Variants in RORA observed in about 807,000 individuals in gnomAD.
RORA encodes nuclear receptor ROR-alpha.
A neutral mutation model predicts 69.5 loss-of-function variants in RORA; 7 were observed. The observed-to-expected ratio is 0.10, with a 90% CI of 0.06 to 0.19. The LOEUF is 0.19. Among genes scored for constraint, RORA ranks in the 10% least tolerant of loss-of-function variants. The probability of loss-of-function intolerance (pLI) is 1.00; values close to 1 mark genes in which losing one functional copy is unlikely to be tolerated. For missense variants in RORA, 457 were observed against 663.0 expected, an observed-to-expected ratio of 0.69 and a Z score of 3.41; for synonymous variants, 261 against 240.8, an observed-to-expected ratio of 1.08 and a Z score of -0.78.
intron 5 of RORA, among the ~76,000 whole-genome samples, chr15:60,507,970 G>A (rs2065567109): frequency 6.6e-6 from 1 of 152,202 alleles, no homozygotes; most frequent in South Asian, 2.1e-4. Flanking sequence ...ATCATGCAGT[G>A]TACCTGACAT....
chr15:60,849,519 T>C (rs1342015972), intron 1 of RORA, among the ~76,000 whole-genome samples: 1 of 152,160 alleles, frequency 6.6e-6, no homozygotes, highest in Non-Finnish European at 1.5e-5. Flanking sequence ...CCTCCTACAG[T>C]CTCCACTGAG....
chr15:61,177,863 G>A (rs1348388788), intron 1 of RORA, among the ~76,000 whole-genome samples: 1 of 151,812 alleles, frequency 6.6e-6, no homozygotes. Flanking sequence ...TCGGGAGGCT[G>A]AGCCAGGAGA....
chr15:61,181,432 A>C (rs2079684626), intron 1 of RORA: 1 of 152,232 alleles, frequency 6.6e-6, no homozygotes, highest in East Asian at 1.9e-4. Flanking sequence ...AATTAAACCA[A>C]GGTAAAAACT....
chr15:61,172,807 G>A (rs1405328355), intron 1 of RORA, among the ~76,000 whole-genome samples: 2 of 152,014 alleles, frequency 1.3e-5, no homozygotes, highest in Non-Finnish European at 2.9e-5. Flanking sequence ...AAGTCTAAGG[G>A]TCCCCTAAGG....
chr15:60,746,981 A>T (rs1364126144), intron 1 of RORA, among the ~76,000 whole-genome samples: 1 of 152,200 alleles, frequency 6.6e-6, no homozygotes, highest in Non-Finnish European at 1.5e-5. Flanking sequence ...AGTTAGTGTC[A>T]GCCTCAGGCT....
chr15:61,194,383 C>T (rs1339002184), intron 1 of RORA, among the ~76,000 whole-genome samples: 2 of 151,948 alleles, frequency 1.3e-5, no homozygotes, highest in Non-Finnish European at 2.9e-5. Context: ...CTTGTTGAAA[C>T]CCTGTCTCTA....
At chr15:60,749,482 G>A (rs2071693172) in intron 1 of RORA, among the ~76,000 whole-genome samples, 1 of 152,172 alleles carries the variant, frequency 6.6e-6, no homozygotes. Flanking sequence ...TATTTTAGGA[G>A]ATTAATTTAC....
At chr15:60,885,243 T>C (rs1004266805) in intron 1 of RORA, among the ~76,000 whole-genome samples, 2 of 152,212 alleles carry the variant, frequency 1.3e-5, no homozygotes, top group Admixed American at 1.3e-4. Flanking sequence ...TGTTCTCTTG[T>C]AGCCCTGATC....
chr15:60,689,279 A>G (rs1011303827), intron 1 of RORA, among the ~76,000 whole-genome samples: 1 of 152,240 alleles, frequency 6.6e-6, no homozygotes, highest in Non-Finnish European at 1.5e-5. Context: ...ATGGCAATGC[A>G]TCTTACAGGA....
chr15:61,197,043 C>A (rs986215851), intron 1 of RORA, among the ~76,000 whole-genome samples: 4 of 152,172 alleles, frequency 2.6e-5, no homozygotes, highest in Non-Finnish European at 2.9e-5. Flanking sequence ...GCCCCAGGGA[C>A]CACAGGGGAA....
chr15:60,874,952 T>C (rs2140439712), intron 1 of RORA, among the ~76,000 whole-genome samples: 1 of 152,318 alleles, frequency 6.6e-6, no homozygotes, highest in Admixed American at 6.5e-5. Context: ...TAAACATTTA[T>C]CAGGGCATAT....
Position 61,017,744 on chromosome 15 carries a change from T to C in RORA, c.166+211309A>G, listed in dbSNP as rs188609721. Among the ~76,000 whole-genome samples, 47 of 152,268 alleles carry C rather than the reference T, an allele frequency of 3.1e-4. No homozygotes were observed. In the East Asian group the frequency reaches 8.7e-3, roughly 28 times the overall value. On this transcript the variant is annotated intron_variant, in intron 1 of 10. Coordinates refer to ENST00000335670, the MANE Select transcript of RORA (RefSeq NM_134261.3). ...AACAAAGCTGTCTTGTGCTTTCCAT[T>C]TTCATATGAAAAATGATGACGTGCC...
intron 1 of RORA, among the ~76,000 whole-genome samples, chr15:60,816,598 A>C (rs901073844): frequency 6.8e-6 from 1 of 147,384 alleles, no homozygotes; most frequent in Non-Finnish European, 1.5e-5. Flanking sequence ...CAGTATATGT[A>C]TTTATATACT....
chr15:60,863,889 C>T (rs112678092), intron 1 of RORA, among the ~76,000 whole-genome samples: 1 of 152,082 alleles, frequency 6.6e-6, no homozygotes, highest in African/African-American at 2.4e-5. Context: ...TCACTGCAAC[C>T]TCCGCCTCCC....
intron 1 of RORA, among the ~76,000 whole-genome samples, chr15:60,945,742 A>T (rs115699673): frequency 6.6e-6 from 1 of 152,350 alleles, no homozygotes; most frequent in African/African-American, 2.4e-5. Context: ...ACAATGGTAC[A>T]TATGCTTGTC....
chr15:61,085,978 G>C (rs1396035630), intron 1 of RORA, among the ~76,000 whole-genome samples: 2 of 152,184 alleles, frequency 1.3e-5, no homozygotes, highest in Non-Finnish European at 2.9e-5. Context: ...GCTATGCTGG[G>C]TCATAGTTTG....
At chr15:60,547,479 A>C (rs2067107465) in intron 2 of RORA, among the ~76,000 whole-genome samples, 1 of 151,566 alleles carries the variant, frequency 6.6e-6, no homozygotes, top group Non-Finnish European at 1.5e-5. Context: ...GGCGCCCACC[A>C]CCACGTCTGG....
chr15:60,680,081 C>G (rs1266697244), intron 1 of RORA, among the ~76,000 whole-genome samples: 4 of 152,184 alleles, frequency 2.6e-5, no homozygotes, highest in African/African-American at 9.7e-5. Flanking sequence ...GGGAAGGGAA[C>G]TTCCCCCAGC....
intron 7 of RORA, 144 bp from the exon 8 acceptor site, chr15:60,503,011 A>T (rs1051051826): frequency 2.1e-5 from 15 of 729,220 alleles, no homozygotes; most frequent in Non-Finnish European, 3.5e-5. Context: ...CAGTCACATC[A>T]GCTGTCTATC....
Sources: gnomAD v4.1 joint callset for allele counts (sites outside exome capture counted in the v4.1 genomes callset) on GRCh38, gnomAD v4.1.1 for gene constraint, MANE v1.5 for transcripts, NCBI Gene and HGNC (gene_info 2026-07-23, HGNC 2026-07-21) for gene names.